Variants in MAGI2 observed in about 807,000 individuals in gnomAD.
The protein encoded by MAGI2 is membrane associated guanylate kinase, WW and PDZ domain containing 2.
MAGI2 carries 35 observed loss-of-function variants against 133.3 expected under a neutral mutation model. The ratio of observed to expected loss-of-function variants is 0.26; its 90% CI spans 0.20 to 0.35. The LOEUF is 0.35. Ranked by LOEUF, MAGI2 falls within the 10% of genes least tolerant of loss-of-function variation. MAGI2 has a pLI of 1.00. For missense variants in MAGI2, 1,636 were observed against 1,863.4 expected (o/e 0.88, Z 2.25); for synonymous variants, 729 against 710.6 (o/e 1.03, Z -0.41).
intron 1 of MAGI2, among the ~76,000 whole-genome samples, chr7:79,106,000 C>A (rs1270822496): frequency 1.3e-5 from 2 of 152,078 alleles, no homozygotes; most frequent in African/African-American, 4.8e-5. Context: ...AGACTTTTAG[C>A]ATTATAACAA....
At chr7:78,637,443 T>A (rs5885079) in intron 2 of MAGI2, among the ~76,000 whole-genome samples, 2,819 of 85,268 alleles carry the variant, frequency 0.033, 81 homozygotes, top group African/African-American at 0.087. Context: ...AAAAAAAAAA[T>A]AAGCATCTAA....
At chr7:78,811,421 ATAAT>A (rs1789034917) in intron 2 of MAGI2, among the ~76,000 whole-genome samples, 1 of 151,932 alleles carries the variant, frequency 6.6e-6, no homozygotes, top group South Asian at 2.1e-4. Context: ...AATATATATA[ATAAT>A]TAAATGATTT....
intron 2 of MAGI2, among the ~76,000 whole-genome samples, chr7:78,866,405 A>G (rs1794557888): frequency 6.6e-6 from 1 of 152,164 alleles, no homozygotes; most frequent in South Asian, 2.1e-4. Context: ...CAAATCAGGA[A>G]ATATGGGCAT....
chr7:78,274,711 G>A (rs768418577), intron 9 of MAGI2, among the ~76,000 whole-genome samples: 1 of 152,012 alleles, frequency 6.6e-6, no homozygotes, highest in Non-Finnish European at 1.5e-5. Context: ...CCCTCAGTTC[G>A]TACTTCATGG....
intron 2 of MAGI2, among the ~76,000 whole-genome samples, chr7:78,948,133 T>A (rs1047188617): frequency 6.6e-6 from 1 of 152,070 alleles, no homozygotes; most frequent in African/African-American, 2.4e-5. Context: ...AAACCAAATG[T>A]TCATGATATT....
intron 1 of MAGI2, among the ~76,000 whole-genome samples, chr7:79,401,619 G>T (rs1031599792): frequency 4.8e-4 from 73 of 152,016 alleles, no homozygotes; most frequent in Admixed American, 4.7e-3. Context: ...CACAAATAAT[G>T]ACATATCCAA....
At chr7:78,517,364 A>T (rs989297614) in intron 4 of MAGI2, among the ~76,000 whole-genome samples, 2 of 152,120 alleles carry the variant, frequency 1.3e-5, no homozygotes, top group Non-Finnish European at 2.9e-5. Flanking sequence ...TACTTTGGGG[A>T]GGTCAGAAGT....
At chr7:78,150,048 T>C (rs1383534745) in intron 16 of MAGI2, among the ~76,000 whole-genome samples, 1 of 152,168 alleles carries the variant, frequency 6.6e-6, no homozygotes, top group Non-Finnish European at 1.5e-5. Flanking sequence ...CTCAGAATAG[T>C]TTGGTTGGGA....
At chr7:78,115,186 T>G (rs906202197) in intron 20 of MAGI2, among the ~76,000 whole-genome samples, 4 of 152,300 alleles carry the variant, frequency 2.6e-5, no homozygotes. Context: ...GAGTTTCCAT[T>G]TTGATGACTA....
At chr7:78,793,547 T>A (rs6963596) in intron 2 of MAGI2, among the ~76,000 whole-genome samples, 2 of 152,116 alleles carry the variant, frequency 1.3e-5, no homozygotes, top group African/African-American at 4.8e-5. Context: ...ATACTCTGAC[T>A]GATAGATGGT....
intron 1 of MAGI2, among the ~76,000 whole-genome samples, chr7:79,201,079 GC>G (rs1283869777): frequency 1.3e-5 from 2 of 151,928 alleles, no homozygotes; most frequent in African/African-American, 4.8e-5. Flanking sequence ...CATATCCTAA[GC>G]AGAAATTGGC....
chr7:79,197,853 G>C (rs1055738652), intron 1 of MAGI2, among the ~76,000 whole-genome samples: 2 of 151,790 alleles, frequency 1.3e-5, no homozygotes, highest in Non-Finnish European at 2.9e-5. Flanking sequence ...TTTTATAAGG[G>C]CACTAATATC....
At chr7:78,363,508 A>AATGATAATAATAATAATAATT (rs1318067619) in intron 7 of MAGI2, among the ~76,000 whole-genome samples, 2 of 104,160 alleles carry the variant, frequency 1.9e-5, no homozygotes, top group Non-Finnish European at 4.5e-5. Context: ...TAATAATAAT[A>AATGATAATAATAATAATAATT]ATGATAATAA....
chr7:78,075,873 C>T (rs990972013), intron 21 of MAGI2, among the ~76,000 whole-genome samples: 4 of 152,160 alleles, frequency 2.6e-5, no homozygotes, highest in Admixed American at 2.6e-4. Flanking sequence ...GTTTCTTATG[C>T]ATAACCAAGC....
At chr7:79,204,217 G>A (rs1210625071) in intron 1 of MAGI2, among the ~76,000 whole-genome samples, 2 of 152,018 alleles carry the variant, frequency 1.3e-5, no homozygotes, top group Non-Finnish European at 2.9e-5. Flanking sequence ...TAAGCCTCTG[G>A]ATCTACCCTG....
intron 1 of MAGI2, among the ~76,000 whole-genome samples, chr7:79,274,672 T>C (rs1489345193): frequency 6.6e-6 from 1 of 152,154 alleles, no homozygotes; most frequent in Non-Finnish European, 1.5e-5. Context: ...TTTTGTATTA[T>C]TGTGTTTCAC....
At chr7:78,404,420 A>C (rs944232825) in intron 6 of MAGI2, among the ~76,000 whole-genome samples, 4 of 152,158 alleles carry the variant, frequency 2.6e-5, no homozygotes, top group Non-Finnish European at 4.4e-5. Context: ...TTCAAACTAT[A>C]CTACAAGGCA....
chr7:78,715,871 C>T (rs1438728948), intron 2 of MAGI2, among the ~76,000 whole-genome samples: 2 of 60,054 alleles, frequency 3.3e-5, no homozygotes, highest in East Asian at 3.1e-4. Flanking sequence ...ACAGAAGAGA[C>T]ACCTACTGAA....
chr7:78,621,689 G>A (rs1187969223), intron 3 of MAGI2, among the ~76,000 whole-genome samples: 2 of 151,942 alleles, frequency 1.3e-5, no homozygotes, highest in Non-Finnish European at 2.9e-5. Flanking sequence ...AGCACATTAA[G>A]CCCTTCCTTG....
Sources: allele counts gnomAD v4.1 joint callset (sites outside exome capture counted in the v4.1 genomes callset), GRCh38; gene constraint gnomAD v4.1.1; transcripts MANE v1.5; gene names NCBI Gene and HGNC (gene_info 2026-07-23, HGNC 2026-07-21).